TXN2: variants seen among roughly 807,000 people sequenced by gnomAD.
The protein encoded by TXN2 is thioredoxin, mitochondrial.
TXN2 carries 12 observed loss-of-function variants against 14.6 expected under a neutral mutation model. The ratio of observed to expected loss-of-function variants is 0.82; its 90% CI spans 0.53 to 1.33. TXN2 has a LOEUF of 1.33. TXN2 is among the 40% of genes most tolerant of loss of function. The pLI is 0.00. For missense variants in TXN2, 173 were observed against 207.7 expected, an observed-to-expected ratio of 0.83 and a Z score of 1.03; for synonymous variants, 89 against 81.0, an observed-to-expected ratio of 1.10 and a Z score of -0.53.
rs1485464301 is a variant in TXN2, at chr22:36,478,914, T to A, written c.263+1661A>T. On this transcript the variant is annotated intron_variant, in intron 2 of 3. Coordinates refer to ENST00000216185, the MANE Select transcript of TXN2 (RefSeq NM_012473.4). Reference sequence around the variant, plus strand: ...GGTTGCAGTGAGCTGACTGAACCACTGCAGTCCAGCCTGGGTGACAGAATG... The same window carrying A: ...GGTTGCAGTGAGCTGACTGAACCACAGCAGTCCAGCCTGGGTGACAGAATG... Among the ~76,000 whole-genome samples the A allele has an allele frequency of 2.0e-5, 3 of 152,006 alleles. No individual in the cohort carries two copies. The East Asian group carries it at 5.8e-4, about 29-fold the overall frequency.
At chr22:36,474,706 T>C (rs759094265) in intron 3 of TXN2, among the ~76,000 whole-genome samples, 7 of 152,222 alleles carry the variant, frequency 4.6e-5, no homozygotes, top group Non-Finnish European at 8.8e-5. Context: ...GTGAGCCAGG[T>C]TGGGCCCAGA....
chr22:36,470,081 G>A (rs1322590779), intron 3 of TXN2, among the ~76,000 whole-genome samples: 2 of 152,212 alleles, frequency 1.3e-5, no homozygotes, highest in African/African-American at 4.8e-5. Context: ...ACATATCCCA[G>A]TGCTGCCCTG....
At chr22:36,481,472 C>A in intron 1 of TXN2, 92 bp downstream of exon 1, 1 of 647,544 alleles carries the variant, frequency 1.5e-6, no homozygotes, top group Non-Finnish European at 2.0e-6. Context: ...GCTAGATCCC[C>A]CCGCCCGCCC....
At chr22:36,479,243 C>T (rs1271071260) in intron 2 of TXN2, among the ~76,000 whole-genome samples, 2 of 152,104 alleles carry the variant, frequency 1.3e-5, no homozygotes, top group Admixed American at 1.3e-4. Flanking sequence ...AGTGGCCTGC[C>T]CAAGGCCACA....
Position 36,480,597 on chromosome 22 carries a change from C to T in TXN2, c.241G>A (p.Val81Met). ...QDRVVNSETP[V>M]VVDFHAQWCG... ...CACTGTGCGTGGAAATCCACAACCACTGGTGTCTCACTGTTGACCACTCGG... is the reference window on the plus strand; with the variant it reads ...CACTGTGCGTGGAAATCCACAACCATTGGTGTCTCACTGTTGACCACTCGG... Residue 81 changes from valine to methionine, a missense_variant, in exon 2 of 4, where the codon GTG (valine) becomes ATG (methionine). Coordinates refer to ENST00000216185, the MANE Select transcript of TXN2 (RefSeq NM_012473.4). The T allele has an allele frequency of 6.2e-7, 1 of 1,613,962 alleles. No homozygotes were observed. Among genetic ancestry groups the T allele is most frequent in the East Asian group, 2.2e-5 (1 of 44,894 alleles).
rs1202244955 is a variant in TXN2, at chr22:36,476,907, T to A, written c.264-51A>T. ...CAGTCAGTCAAAAGAGCGCTCAGCATCCCCTACTGGCTTCCCAGACCTGCA... is the reference window on the plus strand; with the variant it reads ...CAGTCAGTCAAAAGAGCGCTCAGCAACCCCTACTGGCTTCCCAGACCTGCA... On this transcript the variant is annotated intron_variant, in intron 2 of 3. Transcript: ENST00000216185. The A allele has an allele frequency of 5.0e-6, 8 of 1,611,470 alleles. No homozygotes were observed. The Admixed American group carries it at 5.0e-5, about 10-fold the overall frequency.
At chr22:36,477,527 C>G (rs973528712) in intron 2 of TXN2, among the ~76,000 whole-genome samples, 1 of 152,114 alleles carries the variant, frequency 6.6e-6, no homozygotes, top group Non-Finnish European at 1.5e-5. Flanking sequence ...GTTTCTTCAT[C>G]TGAAAAAGAG....
At chr22:36,473,379 G>C (rs751142378) in intron 3 of TXN2, among the ~76,000 whole-genome samples, 5 of 152,158 alleles carry the variant, frequency 3.3e-5, no homozygotes, top group Non-Finnish European at 7.4e-5. Flanking sequence ...AGAAGCGGAG[G>C]TTGCAGTGAA....
intron 2 of TXN2, 79 bp from the exon 3 acceptor site, chr22:36,476,935 T>G: frequency 6.3e-7 from 1 of 1,583,076 alleles, no homozygotes; most frequent in South Asian, 1.1e-5. Context: ...GACCTGCATC[T>G]TTCCAAGGAA....
chr22:36,467,753 G>T lies in TXN2; in HGVS notation c.*51C>A. On this transcript the variant is annotated 3_prime_UTR_variant, in exon 4 of 4. Coordinates refer to ENST00000216185, the MANE Select transcript of TXN2 (RefSeq NM_012473.4). ...GGAAGGGCTGGCATGGAAGGGCTGA[G>T]TTCTATTGGGGTCCCACGCGGGCAA... 6.7e-7 allele frequency: 1 copy of T among 1,491,070 alleles called. No individual in the cohort carries two copies. Among genetic ancestry groups the T allele is most frequent in the Non-Finnish European group, 9.3e-7 (1 of 1,069,894 alleles). 92.4% of individuals were successfully genotyped at this position (1,491,070 alleles called of 1,614,324 possible).
chr22:36,468,188 T>C (rs368634831), intron 3 of TXN2, among the ~76,000 whole-genome samples: 4 of 152,308 alleles, frequency 2.6e-5, no homozygotes, highest in African/African-American at 9.6e-5. Context: ...CCAGTGGTTT[T>C]GCTGGAATGA....
At position 36,473,568 on chromosome 22, in the gene TXN2, G is replaced by A. The variant is rs1334189782; in HGVS notation, c.387+3165C>T. Among the ~76,000 whole-genome samples the A allele has an allele frequency of 6.6e-5, 10 of 152,320 alleles. No individual in the cohort carries two copies. The Middle Eastern group carries it at 0.014, about 207-fold the overall frequency. On this transcript the variant is annotated intron_variant, in intron 3 of 3. Coordinates refer to ENST00000216185, the MANE Select transcript of TXN2 (RefSeq NM_012473.4). ...AGAGGAAGGAAGGAAAGAAGGAAGG[G>A]AGGGAGAGAGGGAGGGGGTCAGGAA...
At chr22:36,473,764 G>A (rs1933330651) in intron 3 of TXN2, among the ~76,000 whole-genome samples, 1 of 152,160 alleles carries the variant, frequency 6.6e-6, no homozygotes, top group Non-Finnish European at 1.5e-5. Context: ...GGGGGAGATT[G>A]AGAGGATTCC....
chr22:36,481,012 G>T, intron 1 of TXN2, 175 bp from the exon 2 acceptor site: 2 of 633,750 alleles, frequency 3.2e-6, no homozygotes, highest in Non-Finnish European at 4.9e-6. Flanking sequence ...TCAAAGGGAA[G>T]GAACAGCTAG....
At position 36,481,485 on chromosome 22, in the gene TXN2, C is replaced by A. The variant is rs1027926530; in HGVS notation, c.-1+79G>T. On this transcript the variant is annotated intron_variant, in intron 1 of 3. Transcript: ENST00000216185. ...GAGCTAGATCCCCCCGCCCGCCCGG[C>A]CGCCAGCCTGCGCAGGAACGCGCTC... 48 of 789,756 alleles carry A rather than the reference C, an allele frequency of 6.1e-5. No homozygotes were observed. In the East Asian group the frequency reaches 2.3e-3, roughly 37 times the overall value. 48.9% of individuals were successfully genotyped at this position (789,756 alleles called of 1,614,324 possible). A position where few individuals can be genotyped will look rare whatever the true frequency, so the allele number is the denominator to read the frequency against.
intron 3 of TXN2, among the ~76,000 whole-genome samples, chr22:36,473,508 G>A (rs1002738373): frequency 2.0e-5 from 3 of 152,128 alleles, no homozygotes; most frequent in Non-Finnish European, 2.9e-5. Flanking sequence ...TTCTCTCAGA[G>A]GAAACTTCTT....
chr22:36,474,919 A>G (rs895971625), intron 3 of TXN2, among the ~76,000 whole-genome samples: 1 of 152,186 alleles, frequency 6.6e-6, no homozygotes, highest in African/African-American at 2.4e-5. Flanking sequence ...AGACACCTCC[A>G]GGCACCTGGC....
chr22:36,480,709 A>G lies in TXN2; in HGVS notation c.129T>C (p.Thr43=). ...TTGTCCGGGCTGGGTTGGGTGTTAC[A>G]GTCAGGCCACCAGGACTGCATTGTG... ...QTPQCSPGGL[T]VTPNPARTIY... Residue 43 remains threonine (T), a synonymous_variant, in exon 2 of 4, where the codon ACT becomes ACC. Coordinates refer to ENST00000216185, the MANE Select transcript of TXN2 (RefSeq NM_012473.4). 1 of 1,614,130 alleles carries G rather than the reference A, an allele frequency of 6.2e-7. No homozygotes were observed. The highest frequency in any genetic ancestry group is 8.5e-7 in the Non-Finnish European group (1 of 1,180,036).
intron 3 of TXN2, among the ~76,000 whole-genome samples, chr22:36,471,239 G>A (rs980430413): frequency 5.9e-5 from 9 of 152,216 alleles, no homozygotes; most frequent in African/African-American, 2.2e-4. Flanking sequence ...ACGCTACGAC[G>A]TGTTGCCTGT....
Sources: gnomAD v4.1 joint callset for allele counts (sites outside exome capture counted in the v4.1 genomes callset) on GRCh38, gnomAD v4.1.1 for gene constraint, MANE v1.5 for transcripts, NCBI Gene and HGNC (gene_info 2026-07-23, HGNC 2026-07-21) for gene names.